OR51C1: variants seen among roughly 807,000 people sequenced by gnomAD.
OR51C1 encodes olfactory receptor family 51 subfamily C member 1, also known as olfactory receptor OR51C1.
At chr11:4,691,003 C>A in the OR51C1 span, 1 of 455,404 alleles carries the variant, frequency 2.2e-6, no homozygotes, top group Non-Finnish European at 4.4e-6. Flanking sequence ...TTCCTCTCTT[C>A]TGGGGAAGCA....
the OR51C1 span, among the ~76,000 whole-genome samples, chr11:4,693,317 G>A: frequency 1.2e-4 from 18 of 152,202 alleles, no homozygotes; most frequent in African/African-American, 4.1e-4. Context: ...GCATTCAGTA[G>A]GTTTGTAGTA....
the OR51C1 span, among the ~76,000 whole-genome samples, chr11:4,694,153 C>T: frequency 1.3e-5 from 2 of 152,080 alleles, no homozygotes; most frequent in Non-Finnish European, 1.5e-5. Context: ...TCATATCTCC[C>T]ATTACCTCAT....
the OR51C1 span, among the ~76,000 whole-genome samples, chr11:4,693,984 G>A: frequency 6.6e-6 from 1 of 152,154 alleles, no homozygotes; most frequent in African/African-American, 2.4e-5. Context: ...AAAGTACAGA[G>A]GGGCTCCATT....
At chr11:4,692,286 A>G in the OR51C1 span, 5 of 334,718 alleles carry the variant, frequency 1.5e-5, no homozygotes, top group South Asian at 2.5e-5. Flanking sequence ...GCATCTAACC[A>G]TTAAAGAAAC....
At chr11:4,691,309 G>T in the OR51C1 span, 2 of 457,462 alleles carry the variant, frequency 4.4e-6, no homozygotes, top group Non-Finnish European at 4.4e-6. Flanking sequence ...GCATACCTAA[G>T]GGGATTAGAG....
the OR51C1 span, among the ~76,000 whole-genome samples, chr11:4,693,507 G>A: frequency 6.6e-6 from 1 of 152,176 alleles, no homozygotes; most frequent in Non-Finnish European, 1.5e-5. Context: ...GGATCACGAG[G>A]TCAGGAGATC....
chr11:4,695,600 C>T, the OR51C1 span, among the ~76,000 whole-genome samples: 1 of 152,278 alleles, frequency 6.6e-6, no homozygotes, highest in African/African-American at 2.4e-5. Flanking sequence ...TGAATTCTTT[C>T]CCTAATGACT....
the OR51C1 span, chr11:4,690,941 G>A: frequency 2.2e-6 from 1 of 454,744 alleles, no homozygotes; most frequent in Admixed American, 2.4e-5. Context: ...TCAATGGAAT[G>A]TAATATATAG....
At chr11:4,692,440 G>T in the OR51C1 span, among the ~76,000 whole-genome samples, 1 of 152,238 alleles carries the variant, frequency 6.6e-6, no homozygotes, top group Non-Finnish European at 1.5e-5. Context: ...CAGTCTGCTG[G>T]AAGACTAGTT....
At chr11:4,693,582 G>A in the OR51C1 span, among the ~76,000 whole-genome samples, 3 of 152,076 alleles carry the variant, frequency 2.0e-5, no homozygotes, top group Non-Finnish European at 4.4e-5. Flanking sequence ...TTAGCCGGGC[G>A]TGGTGGCGGG....
the OR51C1 span, chr11:4,691,540 G>T: frequency 2.2e-6 from 1 of 457,110 alleles, no homozygotes; most frequent in South Asian, 1.5e-5. Context: ...TGGAGGCTGG[G>T]CTGAGTGATG....
the OR51C1 span, among the ~76,000 whole-genome samples, chr11:4,695,334 G>A: frequency 2.3e-3 from 347 of 152,186 alleles, no homozygotes; most frequent in African/African-American, 7.1e-3. Flanking sequence ...CTTTTTTGAA[G>A]TCTGCAATAC....
the OR51C1 span, among the ~76,000 whole-genome samples, chr11:4,694,235 T>C: frequency 3.3e-5 from 5 of 151,906 alleles, no homozygotes; most frequent in Non-Finnish European, 7.4e-5. Context: ...CAAGAGATCA[T>C]AAACAAAACA....
chr11:4,691,908 T>A, the OR51C1 span, among the ~76,000 whole-genome samples: 2 of 152,242 alleles, frequency 1.3e-5, no homozygotes, highest in Non-Finnish European at 2.9e-5. Flanking sequence ...TTTTTGAATT[T>A]GCCTTAGTGT....
chr11:4,693,707 G>A, the OR51C1 span, among the ~76,000 whole-genome samples: 1 of 152,082 alleles, frequency 6.6e-6, no homozygotes, highest in South Asian at 2.1e-4. Flanking sequence ...GGGCGACAGA[G>A]CGAGACTCCG....
chr11:4,695,039 G>A, the OR51C1 span, among the ~76,000 whole-genome samples: 47 of 151,994 alleles, frequency 3.1e-4, no homozygotes, highest in Non-Finnish European at 2.4e-4. Context: ...CAAGAGAAGG[G>A]GTATATCGAA....
At chr11:4,694,458 A>C in the OR51C1 span, among the ~76,000 whole-genome samples, 2 of 151,392 alleles carry the variant, frequency 1.3e-5, no homozygotes, top group Admixed American at 6.6e-5. Context: ...GTTCAGTTCA[A>C]ACTGAACTAA....
the OR51C1 span, among the ~76,000 whole-genome samples, chr11:4,697,209 G>T: frequency 6.6e-6 from 1 of 152,126 alleles, no homozygotes; most frequent in Non-Finnish European, 1.5e-5. Flanking sequence ...CAAAGCTCGT[G>T]CTCTCAAAAA....
chr11:4,694,665 T>G, the OR51C1 span, among the ~76,000 whole-genome samples: 1 of 151,736 alleles, frequency 6.6e-6, no homozygotes, highest in Admixed American at 6.6e-5. Context: ...AAAAAATGAC[T>G]AATTTTAAAT....
Sources: gnomAD v4.1 joint callset for allele counts (sites outside exome capture counted in the v4.1 genomes callset) on GRCh38, gnomAD v4.1.1 for gene constraint, MANE v1.5 for transcripts, NCBI Gene and HGNC (gene_info 2026-07-23, HGNC 2026-07-21) for gene names.